Variants in SUSD4 observed in about 807,000 individuals in gnomAD.
The protein encoded by SUSD4 is sushi domain-containing protein 4.
In SUSD4, 41 loss-of-function variants were observed where a neutral mutation model predicts 50.5. The observed-to-expected ratio is 0.81, with a 90% confidence interval of 0.63 to 1.05. SUSD4 has a LOEUF of 1.05. Ranked by LOEUF, SUSD4 falls within the 50% of genes least tolerant of loss-of-function variation. The pLI, the probability that SUSD4 is intolerant of heterozygous loss-of-function variation, is 0.00. For synonymous variants in SUSD4, 257 were observed against 257.3 expected (o/e 1.00, Z 0.01); for missense variants, 580 against 634.7 (o/e 0.91, Z 0.93).
At chr1:223,257,928 C>T (rs890551799) in intron 5 of SUSD4, among the ~76,000 whole-genome samples, 11 of 152,278 alleles carry the variant, frequency 7.2e-5, no homozygotes, top group African/African-American at 1.4e-4. Context: ...TTATTGGGAA[C>T]GGTATGGACT....
chr1:223,337,326 T>C (rs1667511534), intron 2 of SUSD4, among the ~76,000 whole-genome samples: 1 of 152,204 alleles, frequency 6.6e-6, no homozygotes. Context: ...GGAATGAATG[T>C]CACCTTACAG....
Position 223,227,884 on chromosome 1 carries a change from T to A in SUSD4, c.917-146A>T. On this transcript the variant is annotated intron_variant, in intron 6 of 8. Transcript: ENST00000366878. The surrounding 1 kb of genome is among the most constrained non-coding windows in gnomAD (Gnocchi z 4.5). ...CCCCCAGGGCTCGGCAGAGATACCA[T>A]GTGCCCCTGTAGCTCATGTAAATTG... The A allele has an allele frequency of 9.7e-7, 1 of 1,029,388 alleles. No homozygotes were observed. Among genetic ancestry groups the A allele is most frequent in the South Asian group, 1.7e-5 (1 of 59,758 alleles). 63.8% of individuals were successfully genotyped at this position (1,029,388 alleles called of 1,614,324 possible). A position where few individuals can be genotyped will look rare whatever the true frequency, so the allele number is the denominator to read the frequency against.
intron 2 of SUSD4, among the ~76,000 whole-genome samples, chr1:223,301,813 A>C (rs1665216703): frequency 6.6e-6 from 1 of 152,198 alleles, no homozygotes; most frequent in Admixed American, 6.5e-5. Context: ...GAACCGTGTC[A>C]GTTTCTGAGG....
intron 5 of SUSD4, among the ~76,000 whole-genome samples, chr1:223,235,544 C>T (rs1238737122): frequency 7.5e-6 from 1 of 134,150 alleles, no homozygotes; most frequent in Non-Finnish European, 1.6e-5. Context: ...AAACCCCCAA[C>T]AATCACTGAT....
At chr1:223,242,987 G>A (rs915432699) in intron 5 of SUSD4, among the ~76,000 whole-genome samples, 5 of 152,272 alleles carry the variant, frequency 3.3e-5, no homozygotes, top group South Asian at 2.1e-4. Flanking sequence ...TTAGAGATGC[G>A]ACTGAAGGCA....
chr1:223,222,396 T>A (rs1659189654), intron 8 of SUSD4, among the ~76,000 whole-genome samples, 176 bp from the exon 9 acceptor site: 1 of 152,262 alleles, frequency 6.6e-6, no homozygotes, highest in Non-Finnish European at 1.5e-5. Flanking sequence ...AACATCTTTC[T>A]GTAACAATTG....
At chr1:223,243,144 G>T (rs1003532766) in intron 5 of SUSD4, among the ~76,000 whole-genome samples, 9 of 152,138 alleles carry the variant, frequency 5.9e-5, no homozygotes, top group Non-Finnish European at 8.8e-5. Context: ...CCTCCCTGGA[G>T]CACATCAGCC....
chr1:223,341,775 C>T (rs1256899585), intron 2 of SUSD4, among the ~76,000 whole-genome samples: 1 of 152,156 alleles, frequency 6.6e-6, no homozygotes, highest in East Asian at 1.9e-4. Flanking sequence ...TGTCTCCCAG[C>T]CTGAAGAAGA....
At chr1:223,343,863 C>G (rs1337865747) in intron 2 of SUSD4, among the ~76,000 whole-genome samples, 1 of 152,140 alleles carries the variant, frequency 6.6e-6, no homozygotes, top group African/African-American at 2.4e-5. Flanking sequence ...TTATCTTCTC[C>G]CTGACCCTTC....
At chr1:223,264,434 T>A (rs1662335732) in intron 5 of SUSD4, 196 bp downstream of exon 5, 6 of 1,339,614 alleles carry the variant, frequency 4.5e-6, no homozygotes, top group African/African-American at 2.9e-5. Flanking sequence ...AGCCTAAGGA[T>A]GAGGGAAGCA....
At chr1:223,323,808 G>A (rs1518040) in intron 2 of SUSD4, among the ~76,000 whole-genome samples, 80,285 of 151,794 alleles carry the variant, frequency 0.53, 21,252 homozygotes, top group African/African-American at 0.55. Flanking sequence ...TGAGGACATC[G>A]AGGCTTCCTC....
Position 223,289,077 on chromosome 1 carries a change from C to T in SUSD4, c.361+3362G>A, listed in dbSNP as rs571228625. The T allele has an allele frequency of 2.6e-5, 26 of 984,394 alleles. 1 individual carries two copies. In the South Asian group the frequency reaches 4.2e-4, roughly 16 times the overall value. The allele number at this position is 984,394 out of a possible 1,614,324, so 61.0% of individuals were successfully genotyped here. On this transcript the variant is annotated intron_variant, in intron 3 of 8. Transcript: ENST00000366878. ...AACTGAGTTGGTTTTGGAAAGGAAG[C>T]GGCCAGATGGTGGCCAGCACCCTGG...
At chr1:223,363,091 A>T (rs955270658) in intron 2 of SUSD4, among the ~76,000 whole-genome samples, 187 bp downstream of exon 2, 1 of 152,012 alleles carries the variant, frequency 6.6e-6, no homozygotes, top group Non-Finnish European at 1.5e-5. Flanking sequence ...TCCACATGGG[A>T]ATTTTCAGGG....
intron 7 of SUSD4, among the ~76,000 whole-genome samples, chr1:223,226,691 C>T (rs1041826363): frequency 6.6e-6 from 1 of 152,190 alleles, no homozygotes; most frequent in African/African-American, 2.4e-5. Flanking sequence ...GGGGACTAGG[C>T]TGTCCCTGTG....
intron 2 of SUSD4, among the ~76,000 whole-genome samples, chr1:223,360,644 T>C (rs774479887): frequency 6.6e-6 from 1 of 152,222 alleles, no homozygotes; most frequent in East Asian, 1.9e-4. Flanking sequence ...GCCTTTCTAG[T>C]TCAGGCTTTT....
At chr1:223,363,503 G>T in intron 1 of SUSD4, 43 bp from the exon 2 acceptor site, 1 of 1,391,106 alleles carries the variant, frequency 7.2e-7, no homozygotes, top group Non-Finnish European at 9.5e-7. Context: ...AGTCTGTCCG[G>T]GCTCGGGGGC....
chr1:223,255,766 G>A (rs959822936), intron 5 of SUSD4, among the ~76,000 whole-genome samples: 4 of 152,202 alleles, frequency 2.6e-5, no homozygotes, highest in Non-Finnish European at 5.9e-5. Context: ...AAAGGCATTT[G>A]CTGCCCTTTT....
At chr1:223,254,072 C>T (rs1661518051) in intron 5 of SUSD4, among the ~76,000 whole-genome samples, 1 of 152,242 alleles carries the variant, frequency 6.6e-6, no homozygotes, top group Non-Finnish European at 1.5e-5. Context: ...ATGTTCTCCA[C>T]CCCCTGCTCC....
At chr1:223,334,336 G>A (rs1257383898) in intron 2 of SUSD4, among the ~76,000 whole-genome samples, 2 of 151,830 alleles carry the variant, frequency 1.3e-5, no homozygotes, top group Non-Finnish European at 2.9e-5. Context: ...AAAGAAAACT[G>A]GAGAGAAAAG....
Sources: gnomAD v4.1 joint callset for allele counts (sites outside exome capture counted in the v4.1 genomes callset) on GRCh38, gnomAD v4.1.1 for gene constraint, Gnocchi (gnomAD v3.1) non-coding constraint, MANE v1.5 for transcripts, NCBI Gene and HGNC (gene_info 2026-07-23, HGNC 2026-07-21) for gene names.